The following MECOM variants were observed in gnomAD, a reference collection of about 807,000 sequenced individuals.
The protein encoded by MECOM is histone-lysine N-methyltransferase MECOM.
MECOM carries 13 observed loss-of-function variants against 116.3 expected under a neutral mutation model. The observed-to-expected ratio is 0.11, with a 90% CI of 0.07 to 0.18. MECOM has a LOEUF of 0.18. MECOM is among the 10% of genes least tolerant of loss of function. MECOM has a pLI of 1.00. For missense variants in MECOM, 1,299 were observed against 1,509.0 expected (o/e 0.86, Z 2.31); for synonymous variants, 528 against 535.2 (o/e 0.99, Z 0.19).
At chr3:169,496,261 C>T (rs905149214) in intron 1 of MECOM, among the ~76,000 whole-genome samples, 1 of 152,152 alleles carries the variant, frequency 6.6e-6, no homozygotes, top group African/African-American at 2.4e-5. Context: ...TTAAAGATTC[C>T]CTTGAAGACA....
At chr3:169,279,645 G>A (rs1018317413) in intron 2 of MECOM, among the ~76,000 whole-genome samples, 1 of 152,150 alleles carries the variant, frequency 6.6e-6, no homozygotes, top group Admixed American at 6.6e-5. Context: ...TACACATACC[G>A]TTTTGTTTCA....
intron 5 of MECOM, among the ~76,000 whole-genome samples, chr3:169,127,553 T>A (rs1051274604): frequency 6.6e-6 from 1 of 152,192 alleles, no homozygotes; most frequent in Admixed American, 6.5e-5. Flanking sequence ...CAGCACTATA[T>A]TTTCTCTAAA....
intron 6 of MECOM, among the ~76,000 whole-genome samples, 172 bp from the exon 7 acceptor site, chr3:169,121,381 A>G (rs1204871661): frequency 6.6e-6 from 1 of 152,176 alleles, no homozygotes; most frequent in Non-Finnish European, 1.5e-5. Flanking sequence ...CTAGGGTAGG[A>G]ACTGTAAATT....
At chr3:169,201,939 T>A (rs1749207277) in intron 2 of MECOM, among the ~76,000 whole-genome samples, 1 of 152,154 alleles carries the variant, frequency 6.6e-6, no homozygotes, top group South Asian at 2.1e-4. Flanking sequence ...CTGGCCTTTG[T>A]GTATTCTCCC....
intron 2 of MECOM, among the ~76,000 whole-genome samples, chr3:169,185,254 A>G (rs955614534): frequency 3.3e-5 from 5 of 152,096 alleles, no homozygotes; most frequent in Non-Finnish European, 7.3e-5. Flanking sequence ...GGACCCTGGG[A>G]AACACCATTT....
At chr3:169,618,858 A>C (rs1770339180) in intron 1 of MECOM, among the ~76,000 whole-genome samples, 1 of 152,186 alleles carries the variant, frequency 6.6e-6, no homozygotes, top group African/African-American at 2.4e-5. Context: ...AGTAATAAAA[A>C]ATACGTGAGC....
chr3:169,255,830 C>A (rs1322448918), intron 2 of MECOM, among the ~76,000 whole-genome samples: 1 of 152,156 alleles, frequency 6.6e-6, no homozygotes, highest in African/African-American at 2.4e-5. Context: ...GCTTTAGCAA[C>A]TCTGTCACAG....
intron 1 of MECOM, among the ~76,000 whole-genome samples, chr3:169,488,234 C>G (rs1305812030): frequency 6.6e-6 from 1 of 151,870 alleles, no homozygotes; most frequent in African/African-American, 2.4e-5. Flanking sequence ...TATACAAAAA[C>G]TATTTTTCCA....
At chr3:169,656,837 A>G (rs1392136151) in intron 1 of MECOM, among the ~76,000 whole-genome samples, 1 of 152,194 alleles carries the variant, frequency 6.6e-6, no homozygotes, top group Non-Finnish European at 1.5e-5. Context: ...CACTTTCAAA[A>G]GGACTAGAAC....
intron 2 of MECOM, among the ~76,000 whole-genome samples, chr3:169,293,009 G>C (rs1240394343): frequency 6.6e-6 from 1 of 152,060 alleles, no homozygotes; most frequent in Non-Finnish European, 1.5e-5. Flanking sequence ...GAGATGAAGT[G>C]ACTTATCCAA....
intron 2 of MECOM, among the ~76,000 whole-genome samples, chr3:169,150,487 A>G (rs1741010821): frequency 6.6e-6 from 1 of 152,234 alleles, no homozygotes; most frequent in South Asian, 2.1e-4. Flanking sequence ...TGCAGTGTTT[A>G]GCACTGCCCT....
intron 1 of MECOM, among the ~76,000 whole-genome samples, chr3:169,446,501 C>T (rs1481093577): frequency 1.2e-4 from 18 of 152,096 alleles, no homozygotes; most frequent in Non-Finnish European, 2.6e-4. Context: ...TTATCAGCAG[C>T]ATAAAACCGA....
At position 169,654,213 on chromosome 3, in the gene MECOM, T is replaced by C. The variant is rs1775255277; in HGVS notation, c.37+9123A>G. ...GAGAGTCCATTGTGTTGACATTCCA[T>C]CACCACAATTTTTAATCCTAAAGAC... On this transcript the variant is annotated intron_variant, in intron 1 of 16. Coordinates refer to ENST00000651503, the MANE Select transcript of MECOM (RefSeq NM_004991.4). 2.0e-5 allele frequency among the ~76,000 whole-genome samples: 3 copies of C among 152,198 alleles called. No individual in the cohort carries two copies. In the South Asian group the frequency reaches 6.2e-4, roughly 31 times the overall value.
intron 2 of MECOM, among the ~76,000 whole-genome samples, chr3:169,331,242 A>G (rs1722658330): frequency 6.6e-6 from 1 of 152,110 alleles, no homozygotes; most frequent in African/African-American, 2.4e-5. Flanking sequence ...ACAGTTAATA[A>G]AGAGAAAAGG....
chr3:169,424,799 C>T (rs1740358745), intron 1 of MECOM, among the ~76,000 whole-genome samples: 1 of 152,064 alleles, frequency 6.6e-6, no homozygotes, highest in South Asian at 2.1e-4. Context: ...ATTTTATGTT[C>T]TATTTTCCTG....
intron 2 of MECOM, among the ~76,000 whole-genome samples, chr3:169,355,039 A>C (rs1727021116): frequency 6.6e-6 from 1 of 151,974 alleles, no homozygotes; most frequent in Non-Finnish European, 1.5e-5. Context: ...TGCTGACTGA[A>C]TTAAAAGAAC....
At chr3:169,141,647 T>C (rs757597564) in intron 3 of MECOM, among the ~76,000 whole-genome samples, 2 of 152,068 alleles carry the variant, frequency 1.3e-5, no homozygotes, top group Non-Finnish European at 2.9e-5. Context: ...TAGGTGAATA[T>C]GCTTATAATA....
rs1056270868 is a variant in MECOM, at chr3:169,346,633, T to A, written c.375+34554A>T. ...GAAAAAATGCACTTCAATGACAATTTAAAGAATAAAAAAAAATTACACATG... is the reference window on the plus strand; with the variant it reads ...GAAAAAATGCACTTCAATGACAATTAAAAGAATAAAAAAAAATTACACATG... On this transcript the variant is annotated intron_variant, in intron 2 of 16. Transcript: ENST00000651503. Among the ~76,000 whole-genome samples, 112 of 151,950 alleles carry A rather than the reference T, an allele frequency of 7.4e-4. 1 individual carries two copies. Among genetic ancestry groups the A allele is most frequent in the African/African-American group, 2.6e-3 (106 of 41,466 alleles).
intron 1 of MECOM, among the ~76,000 whole-genome samples, chr3:169,551,672 A>G (rs1019363608): frequency 6.6e-6 from 1 of 152,238 alleles, no homozygotes; most frequent in Admixed American, 6.5e-5. Context: ...TTAAATATAG[A>G]GTTACTATGT....
Sources: gnomAD v4.1 joint callset for allele counts (sites outside exome capture counted in the v4.1 genomes callset) on GRCh38, gnomAD v4.1.1 for gene constraint, MANE v1.5 for transcripts, NCBI Gene and HGNC (gene_info 2026-07-23, HGNC 2026-07-21) for gene names.